NUMB: variants seen among roughly 807,000 people sequenced by gnomAD.
NUMB encodes the protein protein numb homolog.
NUMB carries 29 observed loss-of-function variants against 59.7 expected under a neutral mutation model. That is an observed-to-expected ratio of 0.49 (90% CI 0.36 to 0.66). NUMB has a LOEUF of 0.66. Ranked by LOEUF, NUMB falls within the 30% of genes least tolerant of loss-of-function variation. NUMB has a pLI of 0.00. For synonymous variants in NUMB, 288 were observed against 288.2 expected (o/e 1.00, Z 0.01); for missense variants, 723 against 822.0 (o/e 0.88, Z 1.47).
chr14:73,451,175 C>CAAAAAAAAAAA (rs1209954055), intron 1 of NUMB, among the ~76,000 whole-genome samples: 1 of 104,142 alleles, frequency 9.6e-6, no homozygotes, highest in Non-Finnish European at 1.9e-5. Flanking sequence ...AAAAAAAAAA[C>CAAAAAAAAAAA]AAAAAACAAA....
chr14:73,295,926 G>C (rs1381451857), intron 7 of NUMB, among the ~76,000 whole-genome samples: 2 of 152,140 alleles, frequency 1.3e-5, no homozygotes, highest in Admixed American at 1.3e-4. Flanking sequence ...GTTAACCAAA[G>C]AGCCATTCAC....
At chr14:73,454,032 G>A (rs1884176170) in intron 1 of NUMB, among the ~76,000 whole-genome samples, 1 of 151,780 alleles carries the variant, frequency 6.6e-6, no homozygotes, top group South Asian at 2.1e-4. Flanking sequence ...AGCCCTATCA[G>A]GAAAACATAA....
At chr14:73,394,405 TAA>T (rs74677402) in intron 2 of NUMB, among the ~76,000 whole-genome samples, 127 of 137,356 alleles carry the variant, frequency 9.2e-4, no homozygotes, top group Non-Finnish European at 9.4e-4. Flanking sequence ...CAGTTTTCTT[TAA>T]AAAAAAAAAA....
At chr14:73,313,668 GAA>G (rs10582204) in intron 6 of NUMB, among the ~76,000 whole-genome samples, 32,139 of 124,018 alleles carry the variant, frequency 0.26, 3,915 homozygotes, top group South Asian at 0.31. Flanking sequence ...TCCAAAATCT[GAA>G]AAAAAAAAAA....
chr14:73,377,853 G>A (rs886436270), intron 2 of NUMB, among the ~76,000 whole-genome samples: 20 of 152,124 alleles, frequency 1.3e-4, no homozygotes, highest in African/African-American at 4.6e-4. Context: ...TGTAATCCCA[G>A]CTACTTGGGA....
At chr14:73,425,798 AATTTT>A (rs1343905641) in intron 1 of NUMB, among the ~76,000 whole-genome samples, 1 of 149,226 alleles carries the variant, frequency 6.7e-6, no homozygotes, top group Non-Finnish European at 1.5e-5. Flanking sequence ...CTATAATTCT[AATTTT>A]ATTTAATTTT....
chr14:73,336,116 T>A (rs1032849501), intron 4 of NUMB, among the ~76,000 whole-genome samples: 5 of 152,338 alleles, frequency 3.3e-5, no homozygotes, highest in African/African-American at 1.2e-4. Flanking sequence ...CAAGGTCATA[T>A]AACTTAGTAA....
chr14:73,291,040 GTTCA>G (rs1360942610), intron 8 of NUMB, among the ~76,000 whole-genome samples: 1 of 150,600 alleles, frequency 6.6e-6, no homozygotes, highest in Non-Finnish European at 1.5e-5. Context: ...TTCTAGCGTT[GTTCA>G]TTCTACCGTA....
At chr14:73,382,525 G>C (rs1022038656) in intron 2 of NUMB, among the ~76,000 whole-genome samples, 2 of 151,706 alleles carry the variant, frequency 1.3e-5, no homozygotes, top group African/African-American at 4.8e-5. Context: ...AAGAAGGAGA[G>C]GCCCTGACAC....
At chr14:73,278,053 A>AAC (rs1555367127) in intron 12 of NUMB, among the ~76,000 whole-genome samples, 60 of 146,708 alleles carry the variant, frequency 4.1e-4, no homozygotes, top group Non-Finnish European at 7.3e-4. Context: ...CTCAAAAAAA[A>AAC]AAAAAAAAAA....
intron 4 of NUMB, among the ~76,000 whole-genome samples, chr14:73,331,522 T>C (rs1891975333): frequency 6.6e-6 from 1 of 152,146 alleles, no homozygotes; most frequent in Admixed American, 6.6e-5. Flanking sequence ...CACTCCAGCC[T>C]GGGCAACAGA....
At chr14:73,298,976 A>G (rs1889948305) in intron 6 of NUMB, 1 of 152,178 alleles carries the variant, frequency 6.6e-6, no homozygotes, top group African/African-American at 2.4e-5. Context: ...GGTATAATCA[A>G]ATCTCTTTGT....
At chr14:73,426,543 C>CA (rs1473122967) in intron 1 of NUMB, among the ~76,000 whole-genome samples, 2 of 151,978 alleles carry the variant, frequency 1.3e-5, no homozygotes, top group African/African-American at 4.8e-5. Context: ...TCCATCTCTA[C>CA]AAAAAATTTA....
chr14:73,449,215 G>C (rs1016681862), intron 1 of NUMB, among the ~76,000 whole-genome samples: 1 of 152,056 alleles, frequency 6.6e-6, no homozygotes, highest in Non-Finnish European at 1.5e-5. Flanking sequence ...ATAATTCAAA[G>C]TATACGGGAG....
intron 2 of NUMB, among the ~76,000 whole-genome samples, chr14:73,393,398 C>G (rs996906045): frequency 1.3e-5 from 2 of 152,128 alleles, no homozygotes; most frequent in Non-Finnish European, 2.9e-5. Context: ...ATTGTTAGGT[C>G]AAGAACATAA....
chr14:73,350,955 T>C (rs974214073), intron 4 of NUMB, among the ~76,000 whole-genome samples: 1 of 152,196 alleles, frequency 6.6e-6, no homozygotes, highest in Admixed American at 6.5e-5. Flanking sequence ...AGGCTCCTTG[T>C]ATCTAGCATG....
chr14:73,394,755 T>C (rs1896034770), intron 2 of NUMB, among the ~76,000 whole-genome samples: 1 of 152,202 alleles, frequency 6.6e-6, no homozygotes, highest in African/African-American at 2.4e-5. Flanking sequence ...TTTTCAAGAC[T>C]CCACTTATAA....
At chr14:73,286,855 A>C in intron 9 of NUMB, 2 of 488,554 alleles carry the variant, frequency 4.1e-6, no homozygotes, top group Non-Finnish European at 7.5e-6. Context: ...GAAGGGGGTA[A>C]GAGATGTCTC....
At chr14:73,387,311 C>G (rs935119667) in intron 2 of NUMB, among the ~76,000 whole-genome samples, 1 of 152,064 alleles carries the variant, frequency 6.6e-6, no homozygotes, top group African/African-American at 2.4e-5. Context: ...TGCTGCTGTT[C>G]TCATGATAGC....
Sources: allele counts gnomAD v4.1 joint callset (sites outside exome capture counted in the v4.1 genomes callset), GRCh38; gene constraint gnomAD v4.1.1; transcripts MANE v1.5; gene names NCBI Gene and HGNC (gene_info 2026-07-23, HGNC 2026-07-21).